Variants in DRC3 observed in about 807,000 individuals in gnomAD.
DRC3 encodes dynein regulatory complex subunit 3.
DRC3 carries 45 observed loss-of-function variants against 57.6 expected under a neutral mutation model. The ratio of observed to expected loss-of-function variants is 0.78; its 90% confidence interval spans 0.62 to 1.00. The LOEUF (loss-of-function observed/expected upper bound fraction) is 1.00. Among genes scored for constraint, DRC3 ranks in the 50% least tolerant of loss-of-function variants. DRC3 has a pLI of 0.00. For missense variants in DRC3, 655 were observed against 675.2 expected (o/e 0.97, Z 0.33); for synonymous variants, 257 against 272.3 (o/e 0.94, Z 0.55).
chr17:17,983,829 C>T lies in DRC3; in HGVS notation c.162C>T (p.Asn54=). The T allele has an allele frequency of 1.9e-6, 3 of 1,608,070 alleles. No homozygotes were observed. The highest frequency in any genetic ancestry group is 2.6e-6 in the Non-Finnish European group (3 of 1,175,106). ...TGAAATCACCTTCCATTATTTCAGA[C>T]ATCCTCCGCATAGACAACCTCTGGC... ...DVLSLQLDFR[N]ILRIDNLWQF... is the part of the protein sequence containing the mutation. Residue 54 remains asparagine, a splice_region_variant and synonymous_variant, in exon 4 of 14, where the codon AAC becomes AAT. Transcript: ENST00000399187.
At chr17:18,003,969 A>G (rs112904664) in intron 9 of DRC3, among the ~76,000 whole-genome samples, 40 of 152,140 alleles carry the variant, frequency 2.6e-4, no homozygotes, top group African/African-American at 9.2e-4. Flanking sequence ...TCTTTAACTC[A>G]AAATAATCAC....
intron 11 of DRC3, chr17:18,006,473 T>A: frequency 3.5e-6 from 2 of 579,522 alleles, no homozygotes; most frequent in South Asian, 4.2e-5. Flanking sequence ...ATGAGTGATG[T>A]TCACTAGGAA....
At chr17:18,005,645 G>A (rs1397350013) in intron 10 of DRC3, 1 of 154,740 alleles carries the variant, frequency 6.5e-6, no homozygotes, top group Non-Finnish European at 1.4e-5. Flanking sequence ...CATTTTGTGT[G>A]AAGTGACTCA....
At chr17:17,981,642 G>A (rs1441239412) in intron 3 of DRC3, 4 of 152,348 alleles carry the variant, frequency 2.6e-5, no homozygotes, top group Non-Finnish European at 5.9e-5. Flanking sequence ...GCAGCAGACT[G>A]GCTGGCTCAG....
chr17:17,985,229 G>A (rs1026528459), intron 4 of DRC3, among the ~76,000 whole-genome samples: 1 of 152,198 alleles, frequency 6.6e-6, no homozygotes, highest in Admixed American at 6.5e-5. Context: ...CCTAACAGAA[G>A]CTTATTTTCC....
At position 18,007,089 on chromosome 17, in the gene DRC3, C is replaced by A; in HGVS notation, c.1268C>A (p.Thr423Asn). The A allele has an allele frequency of 7.3e-7, 1 of 1,374,068 alleles. No homozygotes were observed. The highest frequency in any genetic ancestry group is 9.5e-7 in the Non-Finnish European group (1 of 1,048,658). The allele number at this position is 1,374,068 out of a possible 1,614,324, so 85.1% of individuals were successfully genotyped here. ...HEKLLEISIS[T>N]LEKIVEGDLD... The stretch of plus-strand genomic sequence containing the variant: ...AAGCTCCTGGAGATCTCTATCAGCA[C>A]CCTGGAGAAGATTGTCGAGGGCGAC... The change falls in exon 12 of 14, where the codon ACC (threonine) becomes AAC (asparagine). Residue 423 changes from threonine (T) to asparagine (N), a missense_variant. Thr to Asn is a moderately conservative substitution (Grantham distance 65, BLOSUM62 0). Coordinates refer to ENST00000399187, the MANE Select transcript of DRC3 (RefSeq NM_031294.4).
At chr17:18,005,913 G>A in intron 10 of DRC3, 1 of 452,160 alleles carries the variant, frequency 2.2e-6, no homozygotes, top group South Asian at 2.4e-5. Flanking sequence ...CAGGTAAGGG[G>A]AGTAAGACCA....
At position 17,995,092 on chromosome 17, in the gene DRC3, G is replaced by A. The variant is rs761543661; in HGVS notation, c.805G>A (p.Val269Ile). ...CAACAATCTGTCCTACCTGCCTGGT[G>A]TCGGTGAGCTCCTTGAGACATATCC... ...EGNNLSYLPGVGELLETYKDK... is the reference protein window; with the variant it reads ...EGNNLSYLPGIGELLETYKDK... The change falls in exon 8 of 14, where the codon GTC (valine) becomes ATC (isoleucine). Residue 269 changes from valine to isoleucine, a missense_variant. Coordinates refer to ENST00000399187, the MANE Select transcript of DRC3 (RefSeq NM_031294.4). 1.2e-6 allele frequency: 2 copies of A among 1,613,514 alleles called. No homozygotes were observed. The highest frequency in any genetic ancestry group is 2.2e-5 in the East Asian group (1 of 44,894).
intron 13 of DRC3, 22 bp from the exon 14 acceptor site, chr17:18,016,536 G>C (rs771561530): frequency 3.3e-6 from 5 of 1,525,404 alleles, no homozygotes; most frequent in Non-Finnish European, 4.5e-6. Context: ...GTAAGGAATC[G>C]GGCTTTGGTT....
intron 2 of DRC3, among the ~76,000 whole-genome samples, chr17:17,977,116 C>T (rs567537982): frequency 1.3e-5 from 2 of 152,280 alleles, no homozygotes; most frequent in East Asian, 1.9e-4. Context: ...ACACACATGA[C>T]GGCCTGGAGG....
intron 3 of DRC3, among the ~76,000 whole-genome samples, chr17:17,978,374 C>A (rs73303844): frequency 2.8e-4 from 42 of 152,234 alleles, no homozygotes; most frequent in Admixed American, 2.0e-3. Context: ...TGAGACAGCA[C>A]GTGCACAGTG....
chr17:17,987,157 A>G (rs984228977), intron 4 of DRC3, among the ~76,000 whole-genome samples: 1 of 145,200 alleles, frequency 6.9e-6, no homozygotes, highest in African/African-American at 2.5e-5. Flanking sequence ...CAAGGATGCA[A>G]TGAACCGTGA....
chr17:17,976,541 C>T (rs1405859876), intron 2 of DRC3, among the ~76,000 whole-genome samples: 2 of 152,134 alleles, frequency 1.3e-5, no homozygotes, highest in Admixed American at 1.3e-4. Context: ...ATTAGCCAGG[C>T]GTAGTGGTGG....
chr17:17,996,362 C>T (rs996271924), intron 8 of DRC3, among the ~76,000 whole-genome samples: 1 of 152,200 alleles, frequency 6.6e-6, no homozygotes, highest in Non-Finnish European at 1.5e-5. Context: ...CTGGGGAGGC[C>T]TCACAATCAT....
At chr17:18,014,476 C>T (rs2044284968) in intron 12 of DRC3, among the ~76,000 whole-genome samples, 1 of 152,238 alleles carries the variant, frequency 6.6e-6, no homozygotes, top group Non-Finnish European at 1.5e-5. Flanking sequence ...CCAGAAACAA[C>T]TTGTAACTCA....
Position 17,992,824 on chromosome 17 carries a change from C to T in DRC3, c.504C>T (p.Ile168=). 1 of 1,613,980 alleles carries T rather than the reference C, an allele frequency of 6.2e-7. No individual in the cohort carries two copies. ...LRTLSLSRNP[I]SEAEDYKMFI... ...CGCTCAGCCTCTCTAGGAACCCTAT[C>T]TCTGAGGCAGAGGATTACAAGATGT... The change falls in exon 6 of 14, where the codon ATC becomes ATT. Residue 168 remains isoleucine (I), a synonymous_variant. Transcript: ENST00000399187.
chr17:17,997,695 C>T (rs1342803220), intron 9 of DRC3, 61 bp downstream of exon 9: 31 of 1,439,674 alleles, frequency 2.2e-5, no homozygotes, highest in Non-Finnish European at 2.8e-5. Flanking sequence ...CCTGCTCTTG[C>T]CACTCCCACT....
chr17:18,003,743 C>T (rs1478972468), intron 9 of DRC3, among the ~76,000 whole-genome samples: 3 of 146,278 alleles, frequency 2.1e-5, no homozygotes, highest in East Asian at 4.2e-4. Flanking sequence ...CCCAGGTTCA[C>T]GCCATTCTCC....
chr17:17,992,514 T>C (rs1411631838), intron 5 of DRC3, among the ~76,000 whole-genome samples: 1 of 152,112 alleles, frequency 6.6e-6, no homozygotes, highest in African/African-American at 2.4e-5. Flanking sequence ...GTTCAAGGTC[T>C]CACCACATGG....
Sources: allele counts gnomAD v4.1 joint callset (sites outside exome capture counted in the v4.1 genomes callset), GRCh38; gene constraint gnomAD v4.1.1; transcripts MANE v1.5; gene names NCBI Gene and HGNC (gene_info 2026-07-23, HGNC 2026-07-21).